The following LAD1 variants were observed in gnomAD, a reference collection of about 807,000 sequenced individuals.
LAD1 encodes the protein ladinin-1.
In LAD1, 53 loss-of-function variants were observed where a neutral mutation model predicts 54.2. That is an observed-to-expected ratio of 0.98 (90% CI 0.78 to 1.23). The LOEUF is 1.23. Ranked by LOEUF, LAD1 falls within the 50% of genes most tolerant of loss-of-function variation. The pLI is 0.00. For missense variants in LAD1, 637 were observed against 653.3 expected (o/e 0.98, Z 0.27); for synonymous variants, 231 against 257.7 (o/e 0.90, Z 0.99).
intron 2 of LAD1, 66 bp downstream of exon 2, chr1:201,389,094 A>G (rs1662148377): frequency 1.3e-6 from 2 of 1,559,198 alleles, no homozygotes; most frequent in Non-Finnish European, 1.8e-6. Context: ...CAGACTGAAT[A>G]TGCTGCACTT....
intron 1 of LAD1, among the ~76,000 whole-genome samples, chr1:201,395,529 G>A (rs934471935): frequency 2.8e-4 from 42 of 152,272 alleles, no homozygotes; most frequent in African/African-American, 9.9e-4. Context: ...CAAGGCGGCC[G>A]GATCACTTGA....
At chr1:201,391,833 G>A (rs758083245) in intron 1 of LAD1, among the ~76,000 whole-genome samples, 3 of 152,206 alleles carry the variant, frequency 2.0e-5, no homozygotes, top group Non-Finnish European at 4.4e-5. Context: ...GAGGGGGTGT[G>A]AGCAGGGGAG....
intron 1 of LAD1, chr1:201,391,127 T>G (rs1461519707): frequency 2.2e-6 from 1 of 456,592 alleles, no homozygotes; most frequent in Non-Finnish European, 4.4e-6. Context: ...CAGGGGCTCT[T>G]GGAGCCTCCC....
intron 1 of LAD1, among the ~76,000 whole-genome samples, chr1:201,393,417 T>A (rs530714911): frequency 1.3e-5 from 2 of 152,280 alleles, no homozygotes; most frequent in South Asian, 4.1e-4. Flanking sequence ...AAGGAATTAG[T>A]GAGTATCAAC....
intron 8 of LAD1, 57 bp downstream of exon 8, chr1:201,382,596 C>T: frequency 2.1e-6 from 3 of 1,399,094 alleles, no homozygotes; most frequent in Non-Finnish European, 3.0e-6. Context: ...TCCTCTGTCC[C>T]CAGTCATCCC....
rs888834850 is a variant in LAD1 at position 201,382,096 on chromosome 1, G to C, written c.1548+156C>G. ...GGTGAGGGCTCAACCTTGTTCTCAC[G>C]GTTGGCTCAGACCAATCTGCATGAG... On this transcript the variant is annotated intron_variant, in intron 9 of 9. Coordinates refer to ENST00000391967, the MANE Select transcript of LAD1 (RefSeq NM_005558.4). 2.0e-5 allele frequency among the ~76,000 whole-genome samples: 3 copies of C among 152,196 alleles called. No homozygotes were observed. In the South Asian group the frequency reaches 6.2e-4, roughly 31 times the overall value.
chr1:201,398,896 G>C (rs749196373), intron 1 of LAD1, among the ~76,000 whole-genome samples: 1 of 152,176 alleles, frequency 6.6e-6, no homozygotes, highest in East Asian at 1.9e-4. Context: ...GACACACGGG[G>C]GCAGTGAGAG....
chr1:201,384,871 T>TC, intron 4 of LAD1, 36 bp from the exon 5 acceptor site: 1 of 1,611,044 alleles, frequency 6.2e-7, no homozygotes, highest in Non-Finnish European at 8.5e-7. Flanking sequence ...TGTGTGGGAG[T>TC]CCCCGGGAAA....
rs778846820 is a variant in LAD1 at position 201,389,295 on chromosome 1, C to T, written c.47G>A (p.Arg16Gln). Residue 16 changes from arginine to glutamine, a missense_variant, in exon 2 of 10, where the codon CGG becomes CAG. Physicochemically the swap from Arg to Gln is conservative, Grantham distance 43. Coordinates refer to ENST00000391967, the MANE Select transcript of LAD1 (RefSeq NM_005558.4). Reference protein sequence around the residue: ...KDWSALSSLARQRTLEDEEEQ... With the variant: ...KDWSALSSLAQQRTLEDEEEQ... ...CTCCTCATCCTCCAGAGTCCTCTGC[C>T]GGGCAAGGCTGGGGGAGGGGAGGAG... is the stretch of plus-strand genomic sequence containing the variant. 9.9e-6 allele frequency: 16 copies of T among 1,612,374 alleles called. No homozygotes were observed. The highest frequency in any genetic ancestry group is 8.9e-5 in the East Asian group (4 of 44,880).
intron 3 of LAD1, 88 bp from the exon 4 acceptor site, chr1:201,385,893 T>C (rs1235504095): frequency 1.1e-6 from 1 of 935,180 alleles, no homozygotes; most frequent in African/African-American, 1.6e-5. Flanking sequence ...CCCCAGGAGC[T>C]GCAGGAAGAG....
intron 1 of LAD1, among the ~76,000 whole-genome samples, chr1:201,391,602 T>C (rs2102359265): frequency 6.6e-6 from 1 of 152,278 alleles, no homozygotes; most frequent in Non-Finnish European, 1.5e-5. Flanking sequence ...TGTCCACCAA[T>C]AACTCCCCCA....
intron 9 of LAD1, 32 bp downstream of exon 9, chr1:201,382,220 G>GCCGTAGGGCCAGGCTCCTCCC (rs1661975901): frequency 6.3e-7 from 1 of 1,583,662 alleles, no homozygotes; most frequent in African/African-American, 1.3e-5. Context: ...GTGGCCCTCC[G>GCCGTAGGGCCAGGCTCCTCCC]CCGTAGGGCC....
chr1:201,396,131 C>A (rs1244283496), intron 1 of LAD1, among the ~76,000 whole-genome samples: 1 of 152,230 alleles, frequency 6.6e-6, no homozygotes, highest in Non-Finnish European at 1.5e-5. Flanking sequence ...CAGGGTGAAA[C>A]CTACAGGCCC....
At chr1:201,382,971 G>T in intron 7 of LAD1, 103 bp downstream of exon 7, 2 of 1,363,352 alleles carry the variant, frequency 1.5e-6, no homozygotes, top group South Asian at 1.4e-5. Context: ...AACATTAATT[G>T]ACACATGAAA....
rs539396730 is a variant in LAD1, at chr1:201,388,065, G to C, written c.183-887C>G. On this transcript the variant is annotated intron_variant, in intron 2 of 9. Transcript: ENST00000391967. ...CCCCACCTCATAATCCCAAAATCTA[G>C]ATGGCAAAACTAGCCCCAAGGTTCT... 1.3e-4 allele frequency among the ~76,000 whole-genome samples: 20 copies of C among 152,212 alleles called. No individual in the cohort carries two copies. In the South Asian group the frequency reaches 4.2e-3, roughly 32 times the overall value.
chr1:201,382,659 G>T lies in LAD1; in HGVS notation c.1467C>A (p.Asp489Glu), dbSNP rs139797888. 412 of 1,599,788 alleles carry T rather than the reference G, an allele frequency of 2.6e-4. 3 individuals are homozygous for T. In the East Asian group the frequency reaches 8.3e-3, roughly 32 times the overall value. Residue 489 changes from aspartate to glutamate, a missense_variant, in exon 8 of 10, where the codon GAC becomes GAA. By Grantham distance (45) the Asp-to-Glu change is conservative. Transcript: ENST00000391967. ...ISRTQESGDQ[D>E]PQEAQKASSA... ...TCAGGGAGGGTGAGGATACCTGGGG[G>T]TCCTGATCTCCAGATTCCTGGGTCC... is the stretch of plus-strand genomic sequence containing the variant.
At chr1:201,382,886 C>T (rs1661991843) in intron 7 of LAD1, 147 bp from the exon 8 acceptor site, 4 of 976,798 alleles carry the variant, frequency 4.1e-6, no homozygotes, top group Non-Finnish European at 6.2e-6. Flanking sequence ...CCCTCCCCTT[C>T]CCCCAGGGAG....
intron 1 of LAD1, among the ~76,000 whole-genome samples, chr1:201,394,514 A>G (rs1005631497): frequency 1.3e-5 from 2 of 152,172 alleles, no homozygotes; most frequent in African/African-American, 4.8e-5. Flanking sequence ...CACGGAACTT[A>G]AACAAGATTC....
At chr1:201,391,210 A>C in intron 1 of LAD1, 1 of 448,346 alleles carries the variant, frequency 2.2e-6, no homozygotes. Flanking sequence ...ATGAAAATCC[A>C]GACAACTTTC....
Sources: allele counts gnomAD v4.1 joint callset (sites outside exome capture counted in the v4.1 genomes callset), GRCh38; gene constraint gnomAD v4.1.1; transcripts MANE v1.5; gene names NCBI Gene and HGNC (gene_info 2026-07-23, HGNC 2026-07-21).